The following PTPN14 variants were observed in gnomAD, a reference collection of about 807,000 sequenced individuals.
PTPN14 encodes tyrosine-protein phosphatase non-receptor type 14.
A neutral mutation model predicts 126.8 loss-of-function variants in PTPN14; 53 were observed. The ratio of observed to expected loss-of-function variants is 0.42; its 90% CI spans 0.34 to 0.53. PTPN14 has a LOEUF of 0.53. Ranked by LOEUF, PTPN14 falls within the 20% of genes least tolerant of loss-of-function variation. The pLI, the probability that PTPN14 is intolerant of heterozygous loss-of-function variation, is 0.08. For synonymous variants in PTPN14, 630 were observed against 599.3 expected (o/e 1.05, Z -0.75); for missense variants, 1,257 against 1,552.9 (o/e 0.81, Z 3.20).
At chr1:214,491,365 G>A (rs965355445) in intron 1 of PTPN14, among the ~76,000 whole-genome samples, 1 of 152,114 alleles carries the variant, frequency 6.6e-6, no homozygotes, top group African/African-American at 2.4e-5. Context: ...TTTATTCACT[G>A]GTCGATAAAG....
At chr1:214,417,266 A>G in intron 3 of PTPN14, among the ~76,000 whole-genome samples, 2 of 152,284 alleles carry the variant, frequency 1.3e-5, no homozygotes, top group Middle Eastern at 6.8e-3. Flanking sequence ...TGTATTTTCA[A>G]ATTTTTAAAT....
At chr1:214,550,438 G>A (rs574921698) in intron 1 of PTPN14, among the ~76,000 whole-genome samples, 2 of 152,286 alleles carry the variant, frequency 1.3e-5, no homozygotes. Flanking sequence ...GGAAGTGAGA[G>A]GGAAAGGGAG....
intron 11 of PTPN14, among the ~76,000 whole-genome samples, chr1:214,387,618 C>A (rs1457633282): frequency 1.4e-5 from 2 of 144,976 alleles, no homozygotes; most frequent in African/African-American, 2.6e-5. Flanking sequence ...GCGGAGGTTG[C>A]AGTAAGCCAA....
chr1:214,378,872 G>A (rs927304766), intron 13 of PTPN14, among the ~76,000 whole-genome samples: 7 of 151,320 alleles, frequency 4.6e-5, no homozygotes, highest in South Asian at 2.1e-4. Flanking sequence ...CATGGACTCC[G>A]GAACTGAGCA....
rs1659391318 is a variant in PTPN14, at chr1:214,414,862, T to C, written c.345-136A>G. On this transcript the variant is annotated intron_variant, in intron 3 of 18. Coordinates refer to ENST00000366956, the MANE Select transcript of PTPN14 (RefSeq NM_005401.5). ...CTGTGATGCTGATAAAGGTCATTTC[T>C]ATAAAAGATGGAAAGTGACCTCTGC... is the stretch of plus-strand genomic sequence containing the variant. 42 of 675,776 alleles carry C rather than the reference T, an allele frequency of 6.2e-5. No individual in the cohort carries two copies. In the South Asian group the frequency reaches 6.8e-4, roughly 11 times the overall value. The allele number at this position is 675,776 out of a possible 1,614,324, so 41.9% of individuals were successfully genotyped here.
At chr1:214,537,845 A>G (rs73079746) in intron 1 of PTPN14, among the ~76,000 whole-genome samples, 7,890 of 152,332 alleles carry the variant, frequency 0.052, 443 homozygotes, top group African/African-American at 0.15. Flanking sequence ...CACCTATGTA[A>G]TTGTTGATTC....
chr1:214,411,776 G>A, intron 4 of PTPN14, 25 bp from the exon 5 acceptor site: 2 of 1,429,424 alleles, frequency 1.4e-6, no homozygotes, highest in Non-Finnish European at 1.9e-6. Context: ...AGATGGAAGG[G>A]CAGTATTTAT....
At chr1:214,358,557 T>C (rs923092121) in intron 18 of PTPN14, among the ~76,000 whole-genome samples, 1 of 152,338 alleles carries the variant, frequency 6.6e-6, no homozygotes, top group East Asian at 1.9e-4. Flanking sequence ...AGGGTCTTAG[T>C]TTCCTCATCT....
At chr1:214,459,472 CTTTT>C (rs1553268612) in intron 2 of PTPN14, among the ~76,000 whole-genome samples, 3 of 108,654 alleles carry the variant, frequency 2.8e-5, no homozygotes, top group Non-Finnish European at 5.8e-5. Context: ...TCTTTTCTTT[CTTTT>C]TTTTTTTTTT....
chr1:214,393,772 A>G lies in PTPN14; in HGVS notation c.852T>C (p.Asp284=). The part of the protein sequence containing the change: ...KEETALFHTD[D]IENAKYISRL... ...GAGAAATATACTTGGCATTTTCGAT[A>G]TCATCCTTGGAAAAGAAGAGACAGA... Residue 284 remains aspartate (D), a synonymous_variant, in exon 10 of 19, where the codon GAT becomes GAC. Transcript: ENST00000366956. 3.1e-6 allele frequency: 5 copies of G among 1,590,402 alleles called. No homozygotes were observed. The highest frequency in any genetic ancestry group is 4.3e-6 in the Non-Finnish European group (5 of 1,158,502).
chr1:214,403,749 C>T (rs554036639), intron 5 of PTPN14, among the ~76,000 whole-genome samples: 14 of 152,246 alleles, frequency 9.2e-5, no homozygotes, highest in Admixed American at 2.6e-4. Context: ...ATAAGCAGAC[C>T]GAAGCAATGC....
intron 1 of PTPN14, among the ~76,000 whole-genome samples, chr1:214,535,036 A>G (rs1655667818): frequency 6.6e-6 from 1 of 152,220 alleles, no homozygotes; most frequent in African/African-American, 2.4e-5. Context: ...TATAGCAAAC[A>G]TATATTTGAA....
At chr1:214,502,849 T>A (rs1012011114) in intron 1 of PTPN14, among the ~76,000 whole-genome samples, 10 of 152,252 alleles carry the variant, frequency 6.6e-5, no homozygotes, top group African/African-American at 2.4e-4. Flanking sequence ...GTTATCCTTA[T>A]GTCAATTATT....
chr1:214,458,882 A>T (rs939325700), intron 2 of PTPN14, among the ~76,000 whole-genome samples: 1 of 152,144 alleles, frequency 6.6e-6, no homozygotes, highest in African/African-American at 2.4e-5. Flanking sequence ...ATGCTCCACC[A>T]AAGATTTGCA....
chr1:214,547,744 A>C lies in PTPN14; in HGVS notation c.-155+3439T>G, dbSNP rs115018576. 8.7e-3 allele frequency among the ~76,000 whole-genome samples: 1,332 copies of C among 152,322 alleles called. 18 individuals are homozygous for C. Among genetic ancestry groups the C allele is most frequent in the African/African-American group, 0.031 (1,284 of 41,568 alleles). ...TAAAACACTGGACCATCATTACAGT[A>C]AGAAGTATACAAGGAAAAGGATCTT... On this transcript the variant is annotated intron_variant, in intron 1 of 18. Transcript: ENST00000366956.
chr1:214,386,741 T>C, intron 12 of PTPN14, 103 bp downstream of exon 12: 7 of 1,210,262 alleles, frequency 5.8e-6, no homozygotes, highest in Non-Finnish European at 8.2e-6. Flanking sequence ...ATGACAAAGT[T>C]GAAAAGAAAG....
intron 2 of PTPN14, among the ~76,000 whole-genome samples, chr1:214,454,203 G>A (rs1188281475): frequency 6.6e-6 from 1 of 152,104 alleles, no homozygotes; most frequent in East Asian, 1.9e-4. Flanking sequence ...GAGAAACAGA[G>A]GGCAACTTCA....
At chr1:214,402,829 A>G (rs749745997) in intron 6 of PTPN14, 54 bp downstream of exon 6, 7 of 1,581,500 alleles carry the variant, frequency 4.4e-6, no homozygotes, top group South Asian at 1.1e-5. Flanking sequence ...CTCCTGCCCC[A>G]TGGGCTGTAA....
At chr1:214,423,052 A>G (rs1659578513) in intron 3 of PTPN14, among the ~76,000 whole-genome samples, 1 of 151,770 alleles carries the variant, frequency 6.6e-6, no homozygotes, top group Admixed American at 6.6e-5. Flanking sequence ...CAGCACTTTG[A>G]GGGGCTGAGG....
Sources: gnomAD v4.1 joint callset for allele counts (sites outside exome capture counted in the v4.1 genomes callset) on GRCh38, gnomAD v4.1.1 for gene constraint, MANE v1.5 for transcripts, NCBI Gene and HGNC (gene_info 2026-07-23, HGNC 2026-07-21) for gene names.